Variants in SYN2 observed in about 807,000 individuals in gnomAD.
The protein encoded by SYN2 is synapsin-2.
SYN2 carries 19 observed loss-of-function variants against 50.9 expected under a neutral mutation model. The observed-to-expected ratio is 0.37, with a 90% CI of 0.26 to 0.55. The LOEUF (loss-of-function observed/expected upper bound fraction) is 0.55. Among genes scored for constraint, SYN2 ranks in the 20% least tolerant of loss-of-function variants. The pLI is 0.81. For missense variants in SYN2, 587 were observed against 576.4 expected, an observed-to-expected ratio of 1.02 and a Z score of -0.19; for synonymous variants, 255 against 224.9, an observed-to-expected ratio of 1.13 and a Z score of -1.20.
chr3:12,177,932 C>T (rs1324312918), intron 10 of SYN2, among the ~76,000 whole-genome samples: 1 of 152,132 alleles, frequency 6.6e-6, no homozygotes, highest in African/African-American at 2.4e-5. Context: ...AGAAGCAACT[C>T]CCCCCAGGAG....
At chr3:12,141,314 T>C (rs1697013244) in intron 2 of SYN2, among the ~76,000 whole-genome samples, 1 of 152,162 alleles carries the variant, frequency 6.6e-6, no homozygotes. Flanking sequence ...TCCTATGTGA[T>C]AAAAGAAGTT....
intron 1 of SYN2, among the ~76,000 whole-genome samples, chr3:12,011,248 T>C (rs1215306981): frequency 1.3e-5 from 2 of 152,230 alleles, no homozygotes; most frequent in Non-Finnish European, 2.9e-5. Flanking sequence ...GAAATTGCCT[T>C]TTTTATAAGA....
intron 7 of SYN2, chr3:12,165,642 CAA>C (rs1325080730): frequency 6.6e-6 from 1 of 152,222 alleles, no homozygotes; most frequent in African/African-American, 2.4e-5. Flanking sequence ...TGTACAAATC[CAA>C]AGTTTGTGAG....
intron 1 of SYN2, among the ~76,000 whole-genome samples, chr3:12,059,379 T>G (rs1249087086): frequency 6.6e-6 from 1 of 152,224 alleles, no homozygotes; most frequent in Non-Finnish European, 1.5e-5. Flanking sequence ...TCAAACATTT[T>G]CTGATTTGCA....
chr3:12,164,277 T>C (rs1388796981), intron 7 of SYN2, among the ~76,000 whole-genome samples: 1 of 152,206 alleles, frequency 6.6e-6, no homozygotes, highest in African/African-American at 2.4e-5. Context: ...ACACCTAAAT[T>C]TTAAGGGTTA....
chr3:12,115,257 C>T (rs762328838), intron 1 of SYN2, among the ~76,000 whole-genome samples: 1 of 152,166 alleles, frequency 6.6e-6, no homozygotes, highest in Admixed American at 6.6e-5. Flanking sequence ...ATCATTAGTA[C>T]TGCTCTTTAG....
intron 1 of SYN2, among the ~76,000 whole-genome samples, chr3:12,103,553 A>G (rs1360110018): frequency 6.6e-6 from 1 of 152,198 alleles, no homozygotes; most frequent in African/African-American, 2.4e-5. Context: ...GGATCGCCCC[A>G]TTACTTACTA....
chr3:12,008,338 G>C (rs1372848837), intron 1 of SYN2, among the ~76,000 whole-genome samples: 2 of 152,126 alleles, frequency 1.3e-5, no homozygotes, highest in Non-Finnish European at 2.9e-5. Context: ...CTGTATAGGG[G>C]ATATTTACTA....
chr3:12,057,287 C>G (rs141677323), intron 1 of SYN2, among the ~76,000 whole-genome samples: 17 of 134,002 alleles, frequency 1.3e-4, no homozygotes, highest in East Asian at 4.3e-4. Context: ...GCAAGACTGT[C>G]TGTGTGTGTG....
Position 12,099,740 on chromosome 3 carries a change from G to A in SYN2, c.378-40911G>A, listed in dbSNP as rs572950472. Among the ~76,000 whole-genome samples the A allele has an allele frequency of 4.6e-5, 7 of 152,080 alleles. No homozygotes were observed. The East Asian group carries it at 7.8e-4, about 17-fold the overall frequency. ...AGCACTTTGGGAGGCCGAAATGGGC[G>A]GATCACGAGGTCAGGAGATCGAGAC... On this transcript the variant is annotated intron_variant, in intron 1 of 12. Coordinates refer to ENST00000621198, the MANE Select transcript of SYN2 (RefSeq NM_133625.6).
chr3:12,159,651 T>C (rs1435001967), intron 5 of SYN2, among the ~76,000 whole-genome samples: 2 of 152,150 alleles, frequency 1.3e-5, no homozygotes, highest in Non-Finnish European at 2.9e-5. Flanking sequence ...ACCTTGGACC[T>C]CAAAGCCCTC....
chr3:12,156,768 C>T, intron 5 of SYN2: 7 of 1,474,612 alleles, frequency 4.7e-6, no homozygotes, highest in East Asian at 2.3e-5. Context: ...TCACTACCTC[C>T]CCTAGGGCAG....
At chr3:12,160,438 CTT>C (rs1697620627) in intron 5 of SYN2, among the ~76,000 whole-genome samples, 1 of 152,188 alleles carries the variant, frequency 6.6e-6, no homozygotes, top group Non-Finnish European at 1.5e-5. Flanking sequence ...AGGAGTCTGA[CTT>C]TTCATCAGGG....
chr3:12,032,438 A>G (rs1694401511), intron 1 of SYN2, among the ~76,000 whole-genome samples: 2 of 70,024 alleles, frequency 2.9e-5, no homozygotes, highest in Non-Finnish European at 5.4e-5. Flanking sequence ...GCCTTGCTAG[A>G]TTGGGGAAGT....
intron 10 of SYN2, among the ~76,000 whole-genome samples, chr3:12,174,885 A>G (rs1177884493): frequency 2.0e-5 from 3 of 152,182 alleles, no homozygotes; most frequent in Non-Finnish European, 2.9e-5. Flanking sequence ...AATTTTCTGC[A>G]TAGCACTCAC....
In SYN2 at chr3:12,190,534, CCTT is replaced by C; in HGVS notation, c.1663_1665del (p.Phe555del). 2 of 1,613,870 alleles carry C rather than the reference CCTT, an allele frequency of 1.2e-6. No individual in the cohort carries two copies. The highest frequency in any genetic ancestry group is 1.7e-6 in the Non-Finnish European group (2 of 1,179,842). The stretch of plus-strand genomic sequence containing the variant: ...AATGCCTTCAGCTTCTCTGAGTCCT[CCTT>C]CTTCCGGTCTTCAGCCAATGAGGAT... On this transcript the variant is annotated inframe_deletion, in exon 13 of 13. Transcript: ENST00000621198.
chr3:12,185,478 G>A, intron 11 of SYN2: 1 of 985,866 alleles, frequency 1.0e-6, no homozygotes, highest in Non-Finnish European at 1.2e-6. Context: ...CAAGCAGATA[G>A]CATAACCTGA....
intron 1 of SYN2, among the ~76,000 whole-genome samples, chr3:12,023,028 C>T (rs910158779): frequency 3.3e-5 from 5 of 152,138 alleles, no homozygotes; most frequent in African/African-American, 1.2e-4. Context: ...ATAACAGCTA[C>T]ATTTATTGAC....
At chr3:12,121,620 AAGG>A (rs749931587) in intron 1 of SYN2, among the ~76,000 whole-genome samples, 6 of 149,762 alleles carry the variant, frequency 4.0e-5, no homozygotes, top group Non-Finnish European at 7.4e-5. Flanking sequence ...GAAGGGAGGA[AAGG>A]AGGAAAGAAA....
Sources: gnomAD v4.1 joint callset for allele counts (sites outside exome capture counted in the v4.1 genomes callset) on GRCh38, gnomAD v4.1.1 for gene constraint, MANE v1.5 for transcripts, NCBI Gene and HGNC (gene_info 2026-07-23, HGNC 2026-07-21) for gene names.